The following ZNF445 variants were observed in gnomAD, a reference collection of about 807,000 sequenced individuals.
ZNF445 encodes the protein zinc finger protein 168.
Under a neutral mutation model 93.9 loss-of-function variants are expected in ZNF445, and 19 were observed. The observed-to-expected ratio is 0.20, with a 90% CI of 0.14 to 0.30. The LOEUF is 0.30. Among genes scored for constraint, ZNF445 ranks in the 10% least tolerant of loss-of-function variants. The probability of loss-of-function intolerance (pLI) is 1.00; values close to 1 mark genes in which losing one functional copy is unlikely to be tolerated. For synonymous variants in ZNF445, 449 were observed against 446.3 expected (o/e 1.01, Z -0.08); for missense variants, 1,058 against 1,259.4 (o/e 0.84, Z 2.42).
intron 1 of ZNF445, among the ~76,000 whole-genome samples, chr3:44,458,699 C>T (rs1698065543): frequency 1.3e-5 from 2 of 152,208 alleles, no homozygotes; most frequent in Non-Finnish European, 2.9e-5. Context: ...TTTTCTTCCC[C>T]TCCTTTCACC....
Position 44,447,634 on chromosome 3 carries a change from T to C in ZNF445, c.2037A>G (p.Lys679=), listed in dbSNP as rs1697898557. The C allele has an allele frequency of 1.2e-6, 2 of 1,613,988 alleles. No individual in the cohort carries two copies. Among genetic ancestry groups the C allele is most frequent in the African/African-American group, 1.3e-5 (1 of 74,926 alleles). Residue 679 remains lysine (K), a synonymous_variant, in exon 8 of 8, where the codon AAA becomes AAG. Coordinates refer to ENST00000396077, the MANE Select transcript of ZNF445 (RefSeq NM_181489.6). The surrounding 1 kb of genome is among the most constrained non-coding windows in gnomAD (Gnocchi z 4.7). The stretch of plus-strand genomic sequence containing the variant: ...TCCCACACTGCTGACACAGAAATGT[T>C]TTCTCCACAGCGGGAGCACCCTGGG... ...SQPQGAPAVE[K]TFLCQQCGKT...
At chr3:44,471,423 C>T (rs1438643458) in intron 1 of ZNF445, among the ~76,000 whole-genome samples, 3 of 152,196 alleles carry the variant, frequency 2.0e-5, no homozygotes, top group Non-Finnish European at 4.4e-5. Flanking sequence ...GGTCTCAGAA[C>T]TTGTTGCAAA....
In ZNF445 at chr3:44,439,008, T is replaced by TTA. The variant is rs1553610596; in HGVS notation, c.*7566_*7567insTA. 1 of 143,636 alleles carries TTA rather than the reference T, an allele frequency of 7.0e-6. No homozygotes were observed. The highest frequency in any genetic ancestry group is 2.6e-5 in the African/African-American group (1 of 38,820). The allele number at this position is 143,636 out of a possible 1,614,324, so 8.9% of individuals were successfully genotyped here. ...ATTGTGCACATGTACCCTAAAAGTATAAAAAAAAAAAAAACAAGGACTCCA... is the reference window on the plus strand; with the variant it reads ...ATTGTGCACATGTACCCTAAAAGTATTAAAAAAAAAAAAAAACAAGGACTCCA... On this transcript the variant is annotated 3_prime_UTR_variant, in exon 8 of 8. Transcript: ENST00000396077.
intron 1 of ZNF445, among the ~76,000 whole-genome samples, chr3:44,474,793 G>C (rs1698321052): frequency 6.6e-6 from 1 of 152,160 alleles, no homozygotes; most frequent in South Asian, 2.1e-4. Flanking sequence ...GACAAACTAG[G>C]TAAAAGGTGT....
chr3:44,434,430 AAG>A lies in ZNF445; in HGVS notation c.*12143_*12144del. On this transcript the variant is annotated 3_prime_UTR_variant, in exon 8 of 8. Coordinates refer to ENST00000396077, the MANE Select transcript of ZNF445 (RefSeq NM_181489.6). ...TCAAAAAAGAAAAAAAAAAGAGAGA[AAG>A]AAGTTTTGGAAACATTATTTGCCCT... 6.6e-6 allele frequency: 1 copy of A among 151,264 alleles called. No individual in the cohort carries two copies. Among genetic ancestry groups the A allele is most frequent in the African/African-American group, 2.4e-5 (1 of 41,422 alleles). 9.4% of individuals were successfully genotyped at this position (151,264 alleles called of 1,614,324 possible).
intron 3 of ZNF445, among the ~76,000 whole-genome samples, chr3:44,452,513 T>G (rs1222116835): frequency 6.6e-6 from 1 of 152,198 alleles, no homozygotes; most frequent in Non-Finnish European, 1.5e-5. Flanking sequence ...TTTTCCAAAT[T>G]TGAGGGGCTT....
rs1227610979 is a variant in ZNF445, at chr3:44,475,365, A to AT, written c.-269+2225dup. Among the ~76,000 whole-genome samples, 6 of 151,280 alleles carry AT rather than the reference A, an allele frequency of 4.0e-5. No homozygotes were observed. In the South Asian group the frequency reaches 8.4e-4, roughly 21 times the overall value. ...AGGTGCCCGCCACCATGCCCAGCTA[A>AT]TTTTTTGTATTTTTAGTAGAGATGG... On this transcript the variant is annotated intron_variant, in intron 1 of 7. Transcript: ENST00000396077.
intron 1 of ZNF445, among the ~76,000 whole-genome samples, chr3:44,461,691 G>A (rs1405868976): frequency 1.3e-5 from 2 of 152,200 alleles, no homozygotes; most frequent in African/African-American, 2.4e-5. Flanking sequence ...TTTGAGCTTC[G>A]TCAGGTTGAC....
intron 1 of ZNF445, among the ~76,000 whole-genome samples, chr3:44,459,325 C>A (rs192951498): frequency 1.3e-5 from 2 of 152,072 alleles, no homozygotes; most frequent in African/African-American, 4.8e-5. Flanking sequence ...CAAAATAAAA[C>A]ACCCAGAAAT....
chr3:44,465,434 G>A (rs1698180341), intron 1 of ZNF445, among the ~76,000 whole-genome samples: 1 of 152,164 alleles, frequency 6.6e-6, no homozygotes, highest in African/African-American at 2.4e-5. Flanking sequence ...TTTTCCACAG[G>A]TTAAAAAATT....
chr3:44,451,546 G>A (rs1024447685), intron 3 of ZNF445, 64 bp from the exon 4 acceptor site: 1 of 1,527,842 alleles, frequency 6.5e-7, no homozygotes, highest in East Asian at 2.3e-5. Context: ...TCAGAGAAGA[G>A]ACCACATGAC....
intron 3 of ZNF445, among the ~76,000 whole-genome samples, chr3:44,452,441 A>G (rs183542999): frequency 6.6e-6 from 1 of 152,004 alleles, no homozygotes; most frequent in Non-Finnish European, 1.5e-5. Flanking sequence ...ACACTGTGAT[A>G]ATTTTGCTGA....
intron 1 of ZNF445, among the ~76,000 whole-genome samples, chr3:44,477,029 T>C (rs567128200): frequency 1.2e-4 from 18 of 152,352 alleles, no homozygotes; most frequent in African/African-American, 4.1e-4. Flanking sequence ...TGGATATACT[T>C]AATGTCACTG....
Position 44,446,494 on chromosome 3 carries a change from G to A in ZNF445, c.*81C>T. On this transcript the variant is annotated 3_prime_UTR_variant, in exon 8 of 8. Transcript: ENST00000396077. This position sits in a 1 kb window ranked among gnomAD's most constrained non-coding sequence, Gnocchi z 4.2. ...AGAAAGGGCTGGGCCCTTTATCAAAGTTACTCCACAATGCCTATAATTAAG... is the reference window on the plus strand; with the variant it reads ...AGAAAGGGCTGGGCCCTTTATCAAAATTACTCCACAATGCCTATAATTAAG... 1.3e-6 allele frequency: 2 copies of A among 1,570,088 alleles called. No individual in the cohort carries two copies. Among genetic ancestry groups the A allele is most frequent in the Non-Finnish European group, 1.7e-6 (2 of 1,162,906 alleles).
rs150830548 is a variant in ZNF445 at position 44,464,696 on chromosome 3, T to TAAG, written c.-268-6335_-268-6333dup. On this transcript the variant is annotated intron_variant, in intron 1 of 7. Coordinates refer to ENST00000396077, the MANE Select transcript of ZNF445 (RefSeq NM_181489.6). ...CTATTTTGGAGCATTAGATTACAGA[T>TAAG]AAGGCCTTGGGACATATGGAGAGCC... Among the ~76,000 whole-genome samples, 24 of 152,302 alleles carry TAAG rather than the reference T, an allele frequency of 1.6e-4. No individual in the cohort carries two copies. In the East Asian group the frequency reaches 4.0e-3, roughly 26 times the overall value.
rs769263233 is a variant in ZNF445 at position 44,446,933 on chromosome 3, C to T, written c.2738G>A (p.Ser913Asn). 1 of 1,614,166 alleles carries T rather than the reference C, an allele frequency of 6.2e-7. No individual in the cohort carries two copies. The highest frequency in any genetic ancestry group is 8.5e-7 in the Non-Finnish European group (1 of 1,180,040). The change falls in exon 8 of 8, where the codon AGT becomes AAT. Residue 913 changes from serine to asparagine, a missense_variant. Ser to Asn is a conservative substitution (Grantham distance 46). This residue lies in a region of ZNF445 where 387 missense variants were observed against 475.7 expected (regional missense o/e 0.81). Transcript: ENST00000396077. The surrounding 1 kb of genome is among the most constrained non-coding windows in gnomAD (Gnocchi z 4.2). ...TGCTCTGGTGTGTTTCCTCTGGTGACTGGAAAGGGTATGTCTCCCAATGAA... is the reference window on the plus strand; with the variant it reads ...TGCTCTGGTGTGTTTCCTCTGGTGATTGGAAAGGGTATGTCTCCCAATGAA... ...KEFIGRHTLS[S>N]HQRKHTRAAQ...
chr3:44,454,327 T>G (rs1389973499), intron 3 of ZNF445, among the ~76,000 whole-genome samples: 1 of 152,078 alleles, frequency 6.6e-6, no homozygotes, highest in Non-Finnish European at 1.5e-5. Context: ...CTAAATGCTG[T>G]CCCAACACCC....
chr3:44,460,047 G>T (rs76948263), intron 1 of ZNF445, among the ~76,000 whole-genome samples: 2 of 152,236 alleles, frequency 1.3e-5, no homozygotes, highest in East Asian at 3.9e-4. Flanking sequence ...ATTGAAAAAT[G>T]AAATAAAGTA....
At chr3:44,469,407 C>T (rs911754502) in intron 1 of ZNF445, among the ~76,000 whole-genome samples, 5 of 152,220 alleles carry the variant, frequency 3.3e-5, no homozygotes, top group Non-Finnish European at 7.3e-5. Flanking sequence ...TTAACCCCTC[C>T]TCTGTGGGGT....
Sources: allele counts gnomAD v4.1 joint callset (sites outside exome capture counted in the v4.1 genomes callset), GRCh38; gene constraint gnomAD v4.1.1; regional missense constraint gnomAD v4.1.1; non-coding constraint Gnocchi (gnomAD v3.1); transcripts MANE v1.5; gene names NCBI Gene and HGNC (gene_info 2026-07-23, HGNC 2026-07-21).